Variants in STARD9 observed in about 807,000 individuals in gnomAD.
STARD9 encodes the protein stAR-related lipid transfer protein 9.
A neutral mutation model predicts 399.8 loss-of-function variants in STARD9; 346 were observed. The observed-to-expected ratio is 0.87, with a 90% CI of 0.79 to 0.95. STARD9 has a LOEUF of 0.95. STARD9 is among the 40% of genes least tolerant of loss of function. The probability of loss-of-function intolerance (pLI) is 0.00; values close to 1 mark genes in which losing one functional copy is unlikely to be tolerated. For missense variants in STARD9, 5,832 were observed against 5,667.5 expected, an observed-to-expected ratio of 1.03 and a Z score of -0.93; for synonymous variants, 2,203 against 2,143.5, an observed-to-expected ratio of 1.03 and a Z score of -0.77.
At chr15:42,664,038 T>G in intron 13 of STARD9, 121 bp downstream of exon 13, 1 of 659,668 alleles carries the variant, frequency 1.5e-6, no homozygotes, top group Admixed American at 2.4e-5. Flanking sequence ...GTCCTCCAGA[T>G]GATGAGGGAG....
At position 42,694,332 on chromosome 15, in the gene STARD9, C is replaced by G. The variant is rs1191263904; in HGVS notation, c.12754C>G (p.Leu4252Val). The change falls in exon 23 of 33, where the codon CTC (leucine) becomes GTC (valine). Residue 4252 changes from leucine to valine, a missense_variant. Transcript: ENST00000290607. ...DEPVTSTWKELYARQKKAIET... is the reference protein window; with the variant it reads ...DEPVTSTWKEVYARQKKAIET... ...ACCTGTGACATCCACCTGGAAGGAG[C>G]TCTATGCACGGTAAGGACCCCCAGC... 6.6e-7 allele frequency: 1 copy of G among 1,526,246 alleles called. No individual in the cohort carries two copies. Among genetic ancestry groups the G allele is most frequent in the Non-Finnish European group, 8.8e-7 (1 of 1,140,864 alleles). 94.5% of individuals were successfully genotyped at this position (1,526,246 alleles called of 1,614,324 possible). A position where few individuals can be genotyped will look rare whatever the true frequency, so the allele number is the denominator to read the frequency against.
chr15:42,675,006 G>A, intron 18 of STARD9, 42 bp downstream of exon 18: 1 of 1,467,392 alleles, frequency 6.8e-7, no homozygotes, highest in Non-Finnish European at 9.0e-7. Context: ...GATGAGTGAT[G>A]GACCAGCTCC....
At chr15:42,654,569 T>C (rs1312416655) in intron 9 of STARD9, among the ~76,000 whole-genome samples, 2 of 151,980 alleles carry the variant, frequency 1.3e-5, no homozygotes, top group Non-Finnish European at 2.9e-5. Context: ...AACTGGTAAA[T>C]GAATTCAGCG....
chr15:42,597,685 G>T (rs1267510316), intron 3 of STARD9, among the ~76,000 whole-genome samples: 1 of 152,066 alleles, frequency 6.6e-6, no homozygotes, highest in Non-Finnish European at 1.5e-5. Flanking sequence ...ACAGGCACCT[G>T]CCACCATGCC....
intron 20 of STARD9, among the ~76,000 whole-genome samples, chr15:42,679,125 C>T (rs545143032): frequency 6.6e-6 from 1 of 152,266 alleles, no homozygotes; most frequent in Admixed American, 6.5e-5. Context: ...AGATAAAGAC[C>T]CTGTCTCAGC....
intron 7 of STARD9, among the ~76,000 whole-genome samples, chr15:42,641,707 C>T (rs1334446780): frequency 2.6e-5 from 4 of 151,958 alleles, no homozygotes; most frequent in African/African-American, 7.3e-5. Flanking sequence ...CAGGTTCAAG[C>T]GATTCTCCTG....
rs770364381 is a variant in STARD9 at position 42,694,581 on chromosome 15, A to G, written c.12818A>G (p.Asn4273Ser). 2 of 1,537,190 alleles carry G rather than the reference A, an allele frequency of 1.3e-6. No homozygotes were observed. The highest frequency in any genetic ancestry group is 2.4e-5 in the South Asian group (2 of 84,054). Residue 4273 changes from asparagine (N) to serine (S), a missense_variant, in exon 24 of 33, where the codon AAC becomes AGC. Coordinates refer to ENST00000290607, the MANE Select transcript of STARD9 (RefSeq NM_020759.3). ...AGAGAGCGGGCTGAGCGACTTGGGA[A>G]CTTCTGCCGGACGCGAAGCCTTAGC... The part of the protein sequence containing the change: ...LRRERAERLG[N>S]FCRTRSLSPQ...
intron 15 of STARD9, among the ~76,000 whole-genome samples, chr15:42,668,360 C>T (rs1222334960): frequency 2.6e-5 from 4 of 151,884 alleles, no homozygotes; most frequent in African/African-American, 7.3e-5. Context: ...ATGAGAGAAG[C>T]ACTTAGCTAA....
At position 42,684,883 on chromosome 15, in the gene STARD9, A is replaced by T; in HGVS notation, c.3305A>T (p.Asp1102Val). The change falls in exon 23 of 33, where the codon GAC (aspartate) becomes GTC (valine). Residue 1102 changes from aspartate to valine, a missense_variant. Physicochemically the swap from Asp to Val is radical, Grantham distance 152 (BLOSUM62 -3). Coordinates refer to ENST00000290607, the MANE Select transcript of STARD9 (RefSeq NM_020759.3). Reference sequence around the variant, plus strand: ...AGAGAAAAAGACAATGATTTATCTGACACAGATAGCAACTACTCATTGGAT... The same window carrying T: ...AGAGAAAAAGACAATGATTTATCTGTCACAGATAGCAACTACTCATTGGAT... Reference protein sequence around the residue: ...HSREKDNDLSDTDSNYSLDSL... With the variant: ...HSREKDNDLSVTDSNYSLDSL... 1.3e-6 allele frequency: 2 copies of T among 1,537,118 alleles called. No individual in the cohort carries two copies. Among genetic ancestry groups the T allele is most frequent in the South Asian group, 2.4e-5 (2 of 84,070 alleles).
chr15:42,624,596 T>C (rs1378209484), intron 3 of STARD9, among the ~76,000 whole-genome samples: 1 of 151,954 alleles, frequency 6.6e-6, no homozygotes, highest in Non-Finnish European at 1.5e-5. Context: ...TCATCCAGGC[T>C]GGAGTGCAGT....
intron 3 of STARD9, among the ~76,000 whole-genome samples, chr15:42,597,628 C>CT (rs1432089622): frequency 1.3e-5 from 2 of 152,068 alleles, no homozygotes; most frequent in African/African-American, 4.8e-5. Flanking sequence ...CCTCCACCTC[C>CT]TGAGTTCAAG....
intron 13 of STARD9, 23 bp from the exon 14 acceptor site, chr15:42,665,230 T>C (rs987083902): frequency 4.6e-6 from 7 of 1,525,302 alleles, no homozygotes; most frequent in Non-Finnish European, 5.3e-6. Flanking sequence ...CAATCAGTGG[T>C]GATGGAGTTC....
intron 22 of STARD9, 139 bp from the exon 23 acceptor site, chr15:42,683,977 T>C (rs1245771071): frequency 3.3e-6 from 3 of 896,412 alleles, no homozygotes; most frequent in Middle Eastern, 3.0e-4. Flanking sequence ...GTCCACAATT[T>C]CCTTTTATAC....
chr15:42,641,590 G>A (rs1192217077), intron 7 of STARD9, among the ~76,000 whole-genome samples: 1 of 140,512 alleles, frequency 7.1e-6, no homozygotes, highest in African/African-American at 3.0e-5. Context: ...TTCACAGGTG[G>A]ACATTTCTTT....
chr15:42,692,420 A>G lies in STARD9; in HGVS notation c.10842A>G (p.Pro3614=). The G allele has an allele frequency of 1.3e-6, 2 of 1,537,110 alleles. No individual in the cohort carries two copies. The highest frequency in any genetic ancestry group is 1.7e-6 in the Non-Finnish European group (2 of 1,146,916). The change falls in exon 23 of 33, where the codon CCA becomes CCG. Residue 3614 remains proline (P), a synonymous_variant. Transcript: ENST00000290607. ...TGGCCAAAGGAAGTGCTGCAGGTCC[A>G]GTGGATGAGATTATGCTGCTGTATC... The part of the protein sequence containing the change: ...PPLAKGSAAG[P]VDEIMLLYPS...
At position 42,695,259 on chromosome 15, in the gene STARD9, T is replaced by A. The variant is rs1340124079; in HGVS notation, c.13082T>A (p.Leu4361Gln). ...KVEIARARDQ[L>Q]RERTEQEKLR... ...GAGATTGCCCGGGCCCGAGACCAAC[T>A]GCGGGAGCGGACTGAACAAGAGAAG... The change falls in exon 25 of 33, where the codon CTG (leucine) becomes CAG (glutamine). Residue 4361 changes from leucine (L) to glutamine (Q), a missense_variant. Physicochemically the swap from Leu to Gln is moderately radical, Grantham distance 113. Coordinates refer to ENST00000290607, the MANE Select transcript of STARD9 (RefSeq NM_020759.3). 1 of 1,537,186 alleles carries A rather than the reference T, an allele frequency of 6.5e-7. No individual in the cohort carries two copies. Among genetic ancestry groups the A allele is most frequent in the Admixed American group, 2.0e-5 (1 of 50,994 alleles).
intron 7 of STARD9, among the ~76,000 whole-genome samples, chr15:42,641,044 A>G (rs2059525876): frequency 2.0e-5 from 3 of 152,118 alleles, no homozygotes; most frequent in Admixed American, 2.0e-4. Flanking sequence ...TATATCAAGA[A>G]CCTGGAAGGA....
chr15:42,617,856 C>T (rs77183724), intron 3 of STARD9, among the ~76,000 whole-genome samples: 43 of 151,766 alleles, frequency 2.8e-4, no homozygotes, highest in African/African-American at 1.0e-3. Flanking sequence ...CAGGCTCAAG[C>T]GATACTTCCA....
chr15:42,698,360 A>C (rs2060889728), intron 26 of STARD9, among the ~76,000 whole-genome samples: 1 of 152,192 alleles, frequency 6.6e-6, no homozygotes. Flanking sequence ...AATAGCTGAG[A>C]GTTTACCTTT....
Sources: gnomAD v4.1 joint callset for allele counts (sites outside exome capture counted in the v4.1 genomes callset) on GRCh38, gnomAD v4.1.1 for gene constraint, MANE v1.5 for transcripts, NCBI Gene and HGNC (gene_info 2026-07-23, HGNC 2026-07-21) for gene names.